The following GPM6A variants were observed in gnomAD, a reference collection of about 807,000 sequenced individuals.
GPM6A encodes the protein neuronal membrane glycoprotein M6-a.
In GPM6A, 7 loss-of-function variants were observed where a neutral mutation model predicts 32.1. That is an observed-to-expected ratio of 0.22 (90% CI 0.12 to 0.41). The LOEUF is 0.41. Among genes scored for constraint, GPM6A ranks in the 10% least tolerant of loss-of-function variants. The pLI is 1.00. For synonymous variants in GPM6A, 130 were observed against 123.4 expected (o/e 1.05, Z -0.35); for missense variants, 235 against 347.2 (o/e 0.68, Z 2.57).
chr4:175,986,277 G>T (rs541791447), intron 1 of GPM6A, among the ~76,000 whole-genome samples: 14 of 152,228 alleles, frequency 9.2e-5, no homozygotes, highest in Non-Finnish European at 4.4e-5. Context: ...CCTCATGCTT[G>T]TAATTCCAGC....
At chr4:175,676,349 T>C (rs1743365987) in intron 2 of GPM6A, among the ~76,000 whole-genome samples, 1 of 152,158 alleles carries the variant, frequency 6.6e-6, no homozygotes, top group African/African-American at 2.4e-5. Context: ...CTCCCTTTAA[T>C]TTTTGACATC....
At chr4:175,820,649 G>A (rs1028698528) in intron 1 of GPM6A, among the ~76,000 whole-genome samples, 20 of 151,764 alleles carry the variant, frequency 1.3e-4, no homozygotes, top group African/African-American at 9.7e-5. Flanking sequence ...ACAGGCATGC[G>A]CCACCACGCC....
At chr4:175,820,225 T>C (rs938746008) in intron 1 of GPM6A, among the ~76,000 whole-genome samples, 1 of 151,560 alleles carries the variant, frequency 6.6e-6, no homozygotes, top group Admixed American at 6.6e-5. Context: ...AAATTAGCTC[T>C]TGAGACCAAA....
At chr4:175,986,658 T>C (rs1468612415) in intron 1 of GPM6A, among the ~76,000 whole-genome samples, 1 of 152,224 alleles carries the variant, frequency 6.6e-6, no homozygotes, top group Non-Finnish European at 1.5e-5. Flanking sequence ...TAATCTCCCA[T>C]GTATCATATT....
At chr4:175,852,753 A>G (rs1317916051) in intron 1 of GPM6A, among the ~76,000 whole-genome samples, 2 of 152,200 alleles carry the variant, frequency 1.3e-5, no homozygotes, top group East Asian at 3.8e-4. Flanking sequence ...TATAAAGAGG[A>G]AAGTCCTTTT....
rs925837285 is a variant in GPM6A, at chr4:175,633,375, G to A, written c.*1530C>T. 3 of 152,354 alleles carry A rather than the reference G, an allele frequency of 2.0e-5. No homozygotes were observed. The highest frequency in any genetic ancestry group is 7.2e-5 in the African/African-American group (3 of 41,386). 9.4% of individuals were successfully genotyped at this position (152,354 alleles called of 1,614,324 possible). ...CATAATCATGCCACAGATATCCCTA[G>A]TAGTACCCCCTACCTACTACAAGAA... On this transcript the variant is annotated 3_prime_UTR_variant, in exon 7 of 7. Coordinates refer to ENST00000393658, the MANE Select transcript of GPM6A (RefSeq NM_201591.3).
chr4:175,686,748 G>GTA (rs1330497576), intron 2 of GPM6A, among the ~76,000 whole-genome samples: 1 of 152,222 alleles, frequency 6.6e-6, no homozygotes, highest in Non-Finnish European at 1.5e-5. Context: ...TGTTATGGCA[G>GTA]TCACAGTGAA....
intron 6 of GPM6A, among the ~76,000 whole-genome samples, 178 bp downstream of exon 6, chr4:175,639,951 C>A (rs188270588): frequency 6.6e-6 from 1 of 151,626 alleles, no homozygotes. Context: ...AATAATATTT[C>A]TTGGGGTTTA....
chr4:175,776,504 G>C (rs897942941), intron 1 of GPM6A, among the ~76,000 whole-genome samples: 2 of 152,034 alleles, frequency 1.3e-5, no homozygotes, highest in Non-Finnish European at 2.9e-5. Context: ...GGTGTGCAAG[G>C]GATCTCTGAG....
intron 4 of GPM6A, among the ~76,000 whole-genome samples, chr4:175,649,583 G>A (rs1189102134): frequency 6.6e-6 from 1 of 152,144 alleles, no homozygotes; most frequent in Non-Finnish European, 1.5e-5. Context: ...GAAATGAAAT[G>A]TTCCTAATCA....
intron 1 of GPM6A, among the ~76,000 whole-genome samples, chr4:175,876,193 C>T (rs903470174): frequency 2.4e-4 from 37 of 152,048 alleles, no homozygotes; most frequent in Non-Finnish European, 1.8e-4. Flanking sequence ...AATAGTATTA[C>T]TGTGGGTAGA....
At position 175,878,317 on chromosome 4, in the gene GPM6A, G is replaced by C. The variant is rs147762365; in HGVS notation, c.-22-66068C>G. 3.1e-3 allele frequency among the ~76,000 whole-genome samples: 475 copies of C among 152,264 alleles called. 1 individual carries two copies. Among genetic ancestry groups the C allele is most frequent in the African/African-American group, 0.011 (456 of 41,550 alleles). ...AGTGGAGACTCCATGTCGGGGCTCTGATCCCACATTTCCTTTCCAAGTTGC... is the reference window on the plus strand; with the variant it reads ...AGTGGAGACTCCATGTCGGGGCTCTCATCCCACATTTCCTTTCCAAGTTGC... On this transcript the variant is annotated intron_variant, in intron 1 of 7. Coordinates refer to the GPM6A transcript ENST00000280187.
chr4:175,747,646 A>G (rs1560910801), intron 1 of GPM6A, among the ~76,000 whole-genome samples: 1 of 152,190 alleles, frequency 6.6e-6, no homozygotes, highest in Non-Finnish European at 1.5e-5. Flanking sequence ...AAAAACTGCT[A>G]GCGATCATCT....
At chr4:175,906,528 C>T (rs757829175) in intron 1 of GPM6A, 5 of 152,080 alleles carry the variant, frequency 3.3e-5, no homozygotes, top group South Asian at 2.1e-4. Flanking sequence ...TTTTATAGAC[C>T]GTAACCATGG....
chr4:175,775,938 T>G (rs1378073478), intron 1 of GPM6A, among the ~76,000 whole-genome samples: 1 of 152,074 alleles, frequency 6.6e-6, no homozygotes, highest in Non-Finnish European at 1.5e-5. Context: ...TTGACTAGAA[T>G]ATGAAACAGG....
chr4:175,992,934 T>C lies in GPM6A; in HGVS notation c.-23+9375A>G, dbSNP rs145360173. Among the ~76,000 whole-genome samples, 255 of 152,338 alleles carry C rather than the reference T, an allele frequency of 1.7e-3. 2 individuals are homozygous for C. The highest frequency in any genetic ancestry group is 5.8e-3 in the African/African-American group (242 of 41,582). ...AGTTTGTTTAACTTTTAAAGTTATA[T>C]TTAAATAATAAATGTATATCATTAG... On this transcript the variant is annotated intron_variant, in intron 1 of 7. Coordinates refer to the GPM6A transcript ENST00000280187.
intron 1 of GPM6A, among the ~76,000 whole-genome samples, chr4:175,707,630 CTTTA>C (rs1035313087): frequency 1.3e-5 from 2 of 151,170 alleles, no homozygotes; most frequent in Non-Finnish European, 3.0e-5. Flanking sequence ...AAATTTTGGG[CTTTA>C]TTTCTTTTTT....
At chr4:175,645,368 A>C (rs1741395648) in intron 4 of GPM6A, among the ~76,000 whole-genome samples, 1 of 152,186 alleles carries the variant, frequency 6.6e-6, no homozygotes, top group Non-Finnish European at 1.5e-5. Flanking sequence ...AAGGCAATAA[A>C]AACCTTTGGT....
chr4:175,651,130 A>G (rs896765253), intron 4 of GPM6A, among the ~76,000 whole-genome samples: 1 of 152,164 alleles, frequency 6.6e-6, no homozygotes, highest in Non-Finnish European at 1.5e-5. Flanking sequence ...CTAGCTGTAT[A>G]AACTTGGATA....
Sources: allele counts gnomAD v4.1 joint callset (sites outside exome capture counted in the v4.1 genomes callset), GRCh38; gene constraint gnomAD v4.1.1; transcripts MANE v1.5; gene names NCBI Gene and HGNC (gene_info 2026-07-23, HGNC 2026-07-21).